The following FGF12 variants were observed in gnomAD, a reference collection of about 807,000 sequenced individuals.
FGF12 encodes fibroblast growth factor 12, also known as fibroblast growth factor 12B.
FGF12 carries 14 observed loss-of-function variants against 23.6 expected under a neutral mutation model. That is an observed-to-expected ratio of 0.59 (90% confidence interval 0.39 to 0.93). The LOEUF is 0.93. Among genes scored for constraint, FGF12 ranks in the 40% least tolerant of loss-of-function variants. The pLI is 0.00. For missense variants in FGF12, 175 were observed against 217.8 expected, an observed-to-expected ratio of 0.80 and a Z score of 1.24; for synonymous variants, 62 against 77.3, an observed-to-expected ratio of 0.80 and a Z score of 1.04.
intron 1 of FGF12, 78 bp downstream of exon 1, chr3:192,727,406 G>C: frequency 1.4e-6 from 2 of 1,423,736 alleles, no homozygotes; most frequent in Non-Finnish European, 1.9e-6. Flanking sequence ...TGCCTCTACA[G>C]GGGATACGTT....
intron 2 of FGF12, among the ~76,000 whole-genome samples, chr3:192,575,919 A>G (rs751744228): frequency 5.3e-5 from 8 of 152,216 alleles, no homozygotes; most frequent in Non-Finnish European, 1.2e-4. Context: ...TTCTATGATA[A>G]ATATGAAAAA....
At chr3:192,229,503 C>A (rs1489517503) in intron 4 of FGF12, among the ~76,000 whole-genome samples, 1 of 151,896 alleles carries the variant, frequency 6.6e-6, no homozygotes, top group East Asian at 1.9e-4. Flanking sequence ...TTGATCATTG[C>A]AGATTTTTAT....
intron 2 of FGF12, among the ~76,000 whole-genome samples, chr3:192,413,625 G>A (rs771023844): frequency 2.6e-5 from 4 of 152,206 alleles, no homozygotes; most frequent in Non-Finnish European, 4.4e-5. Flanking sequence ...CTCTTGGAAT[G>A]TATTTAACAA....
intron 4 of FGF12, among the ~76,000 whole-genome samples, chr3:192,263,847 T>A (rs1301917561): frequency 6.6e-6 from 1 of 152,100 alleles, no homozygotes; most frequent in Non-Finnish European, 1.5e-5. Flanking sequence ...AAAGACACAT[T>A]AGTCTAAATA....
At chr3:192,493,674 G>A (rs2108827836) in intron 2 of FGF12, among the ~76,000 whole-genome samples, 1 of 152,194 alleles carries the variant, frequency 6.6e-6, no homozygotes, top group South Asian at 2.1e-4. Context: ...AGGTAAAGGG[G>A]GAGCAAGTAA....
At chr3:192,324,356 T>C (rs1292163974) in intron 4 of FGF12, among the ~76,000 whole-genome samples, 1 of 152,106 alleles carries the variant, frequency 6.6e-6, no homozygotes, top group Non-Finnish European at 1.5e-5. Context: ...GTGAGATTAA[T>C]CCTACAGAAA....
chr3:192,274,980 G>C (rs1577308957), intron 4 of FGF12, among the ~76,000 whole-genome samples: 1 of 152,074 alleles, frequency 6.6e-6, no homozygotes, highest in East Asian at 1.9e-4. Flanking sequence ...TCCTAACAAA[G>C]TGAAAACAGA....
chr3:192,624,048 C>T (rs1281800105), intron 2 of FGF12, among the ~76,000 whole-genome samples: 1 of 152,138 alleles, frequency 6.6e-6, no homozygotes, highest in African/African-American at 2.4e-5. Flanking sequence ...GATGACATGA[C>T]ATTATGAGGC....
rs192330068 is a variant in FGF12 at position 192,304,880 on chromosome 3, A to G, written c.228+30481T>C. On this transcript the variant is annotated intron_variant, in intron 4 of 5. Transcript: ENST00000445105. ...TTCTTGCTGTATAAGCTCCTTTGAGAGCAGAATTTTTGTTTCATTGTTTGT... is the reference window on the plus strand; with the variant it reads ...TTCTTGCTGTATAAGCTCCTTTGAGGGCAGAATTTTTGTTTCATTGTTTGT... 6.1e-4 allele frequency among the ~76,000 whole-genome samples: 93 copies of G among 152,304 alleles called. 1 individual carries two copies. The highest frequency in any genetic ancestry group is 1.5e-5 in the Non-Finnish European group (1 of 68,022).
At chr3:192,326,958 T>C (rs1235006202) in intron 4 of FGF12, among the ~76,000 whole-genome samples, 1 of 152,150 alleles carries the variant, frequency 6.6e-6, no homozygotes, top group Non-Finnish European at 1.5e-5. Flanking sequence ...TGAAAGCACA[T>C]GGGAAAATAT....
intron 5 of FGF12, among the ~76,000 whole-genome samples, chr3:192,162,076 C>G (rs547021122): frequency 1.2e-4 from 18 of 152,276 alleles, no homozygotes; most frequent in African/African-American, 3.6e-4. Context: ...TTTATTACTA[C>G]AAATTTAATT....
intron 2 of FGF12, among the ~76,000 whole-genome samples, chr3:192,627,912 T>A (rs551451735): frequency 8.6e-5 from 13 of 151,804 alleles, no homozygotes; most frequent in African/African-American, 3.1e-4. Flanking sequence ...TATGTAGAGG[T>A]TCATGTGGAG....
chr3:192,703,612 C>A (rs1718373574), intron 2 of FGF12, among the ~76,000 whole-genome samples: 2 of 152,208 alleles, frequency 1.3e-5, no homozygotes, highest in African/African-American at 4.8e-5. Context: ...AGTAGAACTT[C>A]TTTCAAAACT....
chr3:192,426,766 A>C (rs1576973575), intron 2 of FGF12, among the ~76,000 whole-genome samples: 1 of 152,222 alleles, frequency 6.6e-6, no homozygotes, highest in Non-Finnish European at 1.5e-5. Context: ...AGACACTTAC[A>C]TAAGTAGTAT....
At chr3:192,582,163 TA>T (rs1577065131) in intron 2 of FGF12, among the ~76,000 whole-genome samples, 1 of 151,972 alleles carries the variant, frequency 6.6e-6, no homozygotes, top group South Asian at 2.1e-4. Context: ...ATGGCAGCTT[TA>T]AAAATAGTTT....
chr3:192,159,146 A>C (rs1247451142), intron 5 of FGF12, among the ~76,000 whole-genome samples: 1 of 152,160 alleles, frequency 6.6e-6, no homozygotes, highest in South Asian at 2.1e-4. Flanking sequence ...TTAATATTCA[A>C]TATTACCTTC....
In FGF12 at chr3:192,408,247, C is replaced by G; in HGVS notation, c.14-47709G>C. On this transcript the variant is annotated intron_variant, in intron 2 of 5. Coordinates refer to ENST00000445105, the MANE Select transcript of FGF12 (RefSeq NM_004113.6). The surrounding 1 kb of genome is among the most constrained non-coding windows in gnomAD (Gnocchi z 7.3). ...ATAGCTGCTCAGCGAGGGCCTCAGG[C>G]CCCAGCCTCTACTGCGCCCTCCGGC... 6.4e-7 allele frequency: 1 copy of G among 1,573,030 alleles called. No individual in the cohort carries two copies. The highest frequency in any genetic ancestry group is 8.6e-7 in the Non-Finnish European group (1 of 1,163,496).
At chr3:192,156,620 T>C (rs1483016928) in intron 5 of FGF12, among the ~76,000 whole-genome samples, 1 of 152,214 alleles carries the variant, frequency 6.6e-6, no homozygotes, top group Non-Finnish European at 1.5e-5. Context: ...TTCCCTTTCA[T>C]CTGGCTTTTC....
chr3:192,588,862 T>C (rs942896158), intron 2 of FGF12, among the ~76,000 whole-genome samples: 1 of 151,080 alleles, frequency 6.6e-6, no homozygotes, highest in Non-Finnish European at 1.5e-5. Flanking sequence ...ATGTTTGTTC[T>C]AGAGAGTAAA....
Sources: gnomAD v4.1 joint callset for allele counts (sites outside exome capture counted in the v4.1 genomes callset) on GRCh38, gnomAD v4.1.1 for gene constraint, Gnocchi (gnomAD v3.1) non-coding constraint, MANE v1.5 for transcripts, NCBI Gene and HGNC (gene_info 2026-07-23, HGNC 2026-07-21) for gene names.